Variants in DLG2 observed in about 807,000 individuals in gnomAD.
The protein encoded by DLG2 is discs large MAGUK scaffold protein 2.
A neutral mutation model predicts 132.5 loss-of-function variants in DLG2; 45 were observed. The ratio of observed to expected loss-of-function variants is 0.34; its 90% confidence interval spans 0.27 to 0.44. The LOEUF is 0.44. Ranked by LOEUF, DLG2 falls within the 20% of genes least tolerant of loss-of-function variation. DLG2 has a pLI of 1.00. For synonymous variants in DLG2, 424 were observed against 419.6 expected (o/e 1.01, Z -0.13); for missense variants, 1,045 against 1,196.9 (o/e 0.87, Z 1.87).
chr11:84,737,711 A>T (rs1262877973), intron 6 of DLG2, among the ~76,000 whole-genome samples: 1 of 152,052 alleles, frequency 6.6e-6, no homozygotes, highest in Non-Finnish European at 1.5e-5. Flanking sequence ...AGTGCAGGCA[A>T]CAGATAATGG....
intron 3 of DLG2, among the ~76,000 whole-genome samples, chr11:85,356,780 A>ATAAG (rs1278296012): frequency 4.7e-4 from 2 of 4,260 alleles, no homozygotes. Flanking sequence ...AGGTAAGTAG[A>ATAAG]TAGATAGATA....
chr11:84,202,406 G>A (rs1276923094), intron 8 of DLG2, among the ~76,000 whole-genome samples: 1 of 152,108 alleles, frequency 6.6e-6, no homozygotes, highest in African/African-American at 2.4e-5. Context: ...GGGAGAACTG[G>A]CTAGCCATAT....
intron 3 of DLG2, among the ~76,000 whole-genome samples, chr11:85,424,193 T>C (rs158088): frequency 3.9e-5 from 6 of 152,060 alleles, no homozygotes; most frequent in South Asian, 4.1e-4. Context: ...TTTCCCTAGC[T>C]GGGGGGTGTG....
chr11:84,280,953 C>T (rs1193302651), intron 7 of DLG2, among the ~76,000 whole-genome samples: 5 of 140,858 alleles, frequency 3.5e-5, no homozygotes, highest in African/African-American at 1.1e-4. Context: ...GATTTCCTGA[C>T]CTCGTGATCC....
intron 20 of DLG2, among the ~76,000 whole-genome samples, chr11:83,538,345 A>G (rs1398890223): frequency 6.6e-6 from 1 of 152,220 alleles, no homozygotes; most frequent in Non-Finnish European, 1.5e-5. Flanking sequence ...ACCAGACTTG[A>G]GAGCTGTAGG....
At chr11:85,444,314 C>G (rs1348156195) in intron 3 of DLG2, among the ~76,000 whole-genome samples, 1 of 152,112 alleles carries the variant, frequency 6.6e-6, no homozygotes, top group Non-Finnish European at 1.5e-5. Flanking sequence ...AGGAGTTATC[C>G]TTGACCACGA....
chr11:84,439,945 T>C (rs1183645645), intron 7 of DLG2, among the ~76,000 whole-genome samples: 1 of 152,222 alleles, frequency 6.6e-6, no homozygotes, highest in East Asian at 1.9e-4. Context: ...GATGTTAATT[T>C]ACTCTGATGG....
intron 3 of DLG2, among the ~76,000 whole-genome samples, chr11:85,576,824 C>A (rs998476228): frequency 4.0e-5 from 6 of 151,792 alleles, no homozygotes. Context: ...TCTAGAGTAA[C>A]AGAAAAAAGA....
intron 7 of DLG2, among the ~76,000 whole-genome samples, chr11:84,433,436 A>G (rs902718790): frequency 2.0e-5 from 3 of 152,214 alleles, no homozygotes; most frequent in Admixed American, 2.0e-4. Context: ...CAGGCATACA[A>G]GTAAGATACT....
intron 16 of DLG2, among the ~76,000 whole-genome samples, chr11:83,838,976 A>G (rs1310784193): frequency 1.3e-5 from 2 of 152,210 alleles, no homozygotes; most frequent in Non-Finnish European, 2.9e-5. Flanking sequence ...TTAATATGCA[A>G]TGTGACTTTA....
intron 4 of DLG2, among the ~76,000 whole-genome samples, chr11:85,206,268 G>T (rs553058574): frequency 6.6e-6 from 1 of 152,094 alleles, no homozygotes; most frequent in African/African-American, 2.4e-5. Flanking sequence ...GTGGAACCAT[G>T]AGTCCATTAA....
intron 6 of DLG2, among the ~76,000 whole-genome samples, chr11:84,952,697 A>T (rs1348663244): frequency 1.3e-5 from 2 of 152,108 alleles, no homozygotes; most frequent in East Asian, 1.9e-4. Flanking sequence ...TAGAGATTTT[A>T]AAAAAAGAAT....
At chr11:85,219,132 T>A (rs1442560043) in intron 4 of DLG2, among the ~76,000 whole-genome samples, 3 of 152,098 alleles carry the variant, frequency 2.0e-5, no homozygotes, top group African/African-American at 7.2e-5. Flanking sequence ...ACCATGCTCA[T>A]TACCTGGGTG....
intron 6 of DLG2, among the ~76,000 whole-genome samples, chr11:84,730,323 A>T (rs954205757): frequency 2.6e-5 from 4 of 152,176 alleles, no homozygotes; most frequent in South Asian, 4.1e-4. Flanking sequence ...ATGAGAATTA[A>T]CTAAAATGCC....
chr11:84,975,210 T>C (rs571599190), intron 6 of DLG2, among the ~76,000 whole-genome samples: 26 of 152,312 alleles, frequency 1.7e-4, no homozygotes, highest in African/African-American at 5.5e-4. Context: ...TTATCCATTT[T>C]CCCTTCTTCT....
intron 10 of DLG2, among the ~76,000 whole-genome samples, chr11:84,066,566 C>A (rs2096675772): frequency 6.6e-6 from 1 of 152,130 alleles, no homozygotes; most frequent in South Asian, 2.1e-4. Context: ...TCGAGACCAG[C>A]CTGGCCAACA....
At chr11:84,774,089 T>A (rs1157210169) in intron 6 of DLG2, among the ~76,000 whole-genome samples, 1 of 150,974 alleles carries the variant, frequency 6.6e-6, no homozygotes, top group African/African-American at 2.4e-5. Context: ...CAGTAAACTT[T>A]CAGGACACAA....
intron 16 of DLG2, among the ~76,000 whole-genome samples, chr11:83,861,285 G>A (rs1246429886): frequency 1.3e-5 from 2 of 152,170 alleles, no homozygotes; most frequent in Non-Finnish European, 2.9e-5. Context: ...TGGTGGGAAT[G>A]TAAATTAGTA....
chr11:84,171,668 G>C (rs1185632792), intron 8 of DLG2, among the ~76,000 whole-genome samples: 1 of 152,122 alleles, frequency 6.6e-6, no homozygotes, highest in Non-Finnish European at 1.5e-5. Context: ...ATTGTGAATA[G>C]AGCTGCAATA....
Sources: allele counts gnomAD v4.1 joint callset (sites outside exome capture counted in the v4.1 genomes callset), GRCh38; gene constraint gnomAD v4.1.1; transcripts MANE v1.5; gene names NCBI Gene and HGNC (gene_info 2026-07-23, HGNC 2026-07-21).